NPR3: variants seen among roughly 807,000 people sequenced by gnomAD.
NPR3 encodes the protein natriuretic peptide receptor 3, also known as atrial natriuretic peptide receptor 3.
Under a neutral mutation model 54.5 loss-of-function variants are expected in NPR3, and 34 were observed. The ratio of observed to expected loss-of-function variants is 0.62; its 90% confidence interval spans 0.47 to 0.83. The LOEUF (loss-of-function observed/expected upper bound fraction) is 0.83. Among genes scored for constraint, NPR3 ranks in the 40% least tolerant of loss-of-function variants. NPR3 has a pLI of 0.00. For synonymous variants in NPR3, 289 were observed against 297.1 expected (o/e 0.97, Z 0.28); for missense variants, 674 against 720.8 (o/e 0.94, Z 0.74).
At chr5:32,708,791 G>T (rs1477218521), upstream of NPR3, among the ~76,000 whole-genome samples, 1 of 152,038 alleles carries the variant, frequency 6.6e-6, no homozygotes, top group Admixed American at 6.6e-5. Flanking sequence ...TACATTACTT[G>T]GTGGGTCTTC....
At chr5:32,729,869 A>G (rs1182660864) in intron 2 of NPR3, among the ~76,000 whole-genome samples, 1 of 152,222 alleles carries the variant, frequency 6.6e-6, no homozygotes, top group Admixed American at 6.5e-5. Context: ...ATGTTACCAA[A>G]TAACCATAGT....
intron 1 of NPR3, among the ~76,000 whole-genome samples, chr5:32,695,988 G>T (rs773427866): frequency 6.6e-6 from 1 of 152,116 alleles, no homozygotes; most frequent in Non-Finnish European, 1.5e-5. Context: ...TCACTTTGTT[G>T]GTTGTTTCCT....
rs953664853 is a variant in NPR3 at position 32,737,975 on chromosome 5, T to C, written c.893-889T>C. ...TTAATAAATGTTAGCAATTTTTATC[T>C]CATTACCACTAATGCACTAATGGAC... is the stretch of plus-strand genomic sequence containing the variant. On this transcript the variant is annotated intron_variant, in intron 2 of 7. Transcript: ENST00000265074. Among the ~76,000 whole-genome samples, 19 of 152,220 alleles carry C rather than the reference T, an allele frequency of 1.2e-4. 1 individual carries two copies. The highest frequency in any genetic ancestry group is 4.1e-4 in the African/African-American group (17 of 41,564).
At chr5:32,756,017 G>T (rs979430057) in intron 3 of NPR3, among the ~76,000 whole-genome samples, 3 of 152,142 alleles carry the variant, frequency 2.0e-5, no homozygotes, top group African/African-American at 4.8e-5. Flanking sequence ...TGGACATTTG[G>T]GTTGGTTCCA....
chr5:32,699,151 A>T (rs1740605989), intron 1 of NPR3, among the ~76,000 whole-genome samples: 2 of 151,690 alleles, frequency 1.3e-5, no homozygotes, highest in South Asian at 4.2e-4. Context: ...TATGTTTTTT[A>T]TTTGAGGTTA....
rs1336460992 is a variant in NPR3, at chr5:32,786,415, A to G, written c.*70A>G. ...GAGATAGACGGGTTGAAAGACATCA[A>G]TGAAACAGAAGGGGCGTTCTTGAAG... On this transcript the variant is annotated 3_prime_UTR_variant, in exon 8 of 8. Coordinates refer to ENST00000265074, the MANE Select transcript of NPR3 (RefSeq NM_001204375.2). 9 of 680,382 alleles carry G rather than the reference A, an allele frequency of 1.3e-5. No individual in the cohort carries two copies. The highest frequency in any genetic ancestry group is 2.1e-5 in the Non-Finnish European group (8 of 381,628). The allele number at this position is 680,382 out of a possible 1,614,324, so 42.1% of individuals were successfully genotyped here.
chr5:32,694,480 T>C (rs190462055), intron 1 of NPR3, among the ~76,000 whole-genome samples: 1 of 152,338 alleles, frequency 6.6e-6, no homozygotes, highest in East Asian at 1.9e-4. Flanking sequence ...CTAAGCACTT[T>C]GCATCTGCTT....
At chr5:32,762,377 C>A (rs1741222634) in intron 3 of NPR3, among the ~76,000 whole-genome samples, 1 of 151,350 alleles carries the variant, frequency 6.6e-6, no homozygotes, top group African/African-American at 2.4e-5. Context: ...ACACTGTCTT[C>A]CACAATGGTT....
intron 1 of NPR3, among the ~76,000 whole-genome samples, chr5:32,704,044 G>C (rs1036241516): frequency 3.3e-5 from 5 of 152,226 alleles, no homozygotes; most frequent in Non-Finnish European, 5.9e-5. Flanking sequence ...CACTAGGATG[G>C]ATGATTCCCC....
chr5:32,764,788 C>CAAAAAAAAAAAAAAAAAAAAA (rs568944478), intron 3 of NPR3, among the ~76,000 whole-genome samples: 3 of 36,498 alleles, frequency 8.2e-5, no homozygotes, highest in African/African-American at 2.9e-4. Context: ...GGGTCCATCT[C>CAAAAAAAAAAAAAAAAAAAAA]AAAAAAAAAA....
At chr5:32,704,598 C>A (rs185345801), upstream of NPR3, among the ~76,000 whole-genome samples, 1 of 152,238 alleles carries the variant, frequency 6.6e-6, no homozygotes, top group Admixed American at 6.5e-5. Flanking sequence ...ACACAGTATA[C>A]CACCCTGGAG....
In NPR3 at chr5:32,774,737, T is replaced by C; in HGVS notation, c.1089T>C (p.Asp363=). The change falls in exon 4 of 8, where the codon GAT becomes GAC. Residue 363 remains aspartate (D), a synonymous_variant. Coordinates refer to ENST00000265074, the MANE Select transcript of NPR3 (RefSeq NM_001204375.2). The part of the protein sequence containing the change: ...YVNMFVEGFH[D]AILLYVLALH... ...ACATGTTTGTTGAAGGATTCCACGATGCCATCCTCCTCTACGTCTTGGCTC... is the reference window on the plus strand; with the variant it reads ...ACATGTTTGTTGAAGGATTCCACGACGCCATCCTCCTCTACGTCTTGGCTC... 1 of 1,611,372 alleles carries C rather than the reference T, an allele frequency of 6.2e-7. No homozygotes were observed. Among genetic ancestry groups the C allele is most frequent in the East Asian group, 2.2e-5 (1 of 44,872 alleles).
upstream of NPR3, chr5:32,709,545 T>C (rs1738103008): frequency 6.6e-6 from 1 of 152,174 alleles, no homozygotes; most frequent in Non-Finnish European, 1.5e-5. Flanking sequence ...TTAAATTTTA[T>C]ACAGATGTCT....
chr5:32,770,877 T>C (rs1204287076), intron 3 of NPR3, among the ~76,000 whole-genome samples: 1 of 152,216 alleles, frequency 6.6e-6, no homozygotes, highest in African/African-American at 2.4e-5. Context: ...ATCCCAGTTG[T>C]TTACCTGTGA....
At chr5:32,742,037 A>C (rs1480889731) in intron 3 of NPR3, among the ~76,000 whole-genome samples, 1 of 151,686 alleles carries the variant, frequency 6.6e-6, no homozygotes, top group Non-Finnish European at 1.5e-5. Flanking sequence ...TCTTTGATCT[A>C]GTGTGGTGCG....
intron 1 of NPR3, among the ~76,000 whole-genome samples, chr5:32,703,371 TGA>T (rs1464837706): frequency 3.3e-5 from 5 of 151,058 alleles, no homozygotes; most frequent in African/African-American, 1.2e-4. Flanking sequence ...ACTTAAGCTT[TGA>T]GACAAAGCCC....
intron 2 of NPR3, among the ~76,000 whole-genome samples, chr5:32,727,261 G>A (rs1175578734): frequency 6.6e-6 from 1 of 152,016 alleles, no homozygotes; most frequent in Non-Finnish European, 1.5e-5. Context: ...TGAGTAGCTG[G>A]GACTACAGGC....
intron 3 of NPR3, among the ~76,000 whole-genome samples, chr5:32,744,318 A>T (rs1362214021): frequency 6.6e-6 from 1 of 152,164 alleles, no homozygotes; most frequent in Non-Finnish European, 1.5e-5. Flanking sequence ...AGGCTCAGTG[A>T]CCACCACTGG....
chr5:32,701,727 C>T (rs540013039), intron 1 of NPR3, among the ~76,000 whole-genome samples: 3 of 152,306 alleles, frequency 2.0e-5, no homozygotes, highest in African/African-American at 4.8e-5. Flanking sequence ...TCTGTATCTG[C>T]ATTAGGCGGC....
Sources: allele counts gnomAD v4.1 joint callset (sites outside exome capture counted in the v4.1 genomes callset), GRCh38; gene constraint gnomAD v4.1.1; transcripts MANE v1.5; gene names NCBI Gene and HGNC (gene_info 2026-07-23, HGNC 2026-07-21).